Variants in FOXP1 observed in about 807,000 individuals in gnomAD.
FOXP1 encodes forkhead box P1, also known as forkhead box protein P1.
In FOXP1, 15 loss-of-function variants were observed where a neutral mutation model predicts 98.2. The observed-to-expected ratio is 0.15, with a 90% CI of 0.10 to 0.24. The LOEUF (loss-of-function observed/expected upper bound fraction) is 0.24. Ranked by LOEUF, FOXP1 falls within the 10% of genes least tolerant of loss-of-function variation. The pLI is 1.00. For synonymous variants in FOXP1, 371 were observed against 314.5 expected (o/e 1.18, Z -1.90); for missense variants, 633 against 848.5 (o/e 0.75, Z 3.15).
intron 2 of FOXP1, among the ~76,000 whole-genome samples, chr3:71,543,153 C>T (rs1298028136): frequency 2.0e-5 from 3 of 152,128 alleles, no homozygotes; most frequent in Non-Finnish European, 2.9e-5. Context: ...GGGCGGCATG[C>T]GAATACCATC....
At chr3:71,023,975 T>C (rs1332101692) in intron 11 of FOXP1, among the ~76,000 whole-genome samples, 3 of 152,180 alleles carry the variant, frequency 2.0e-5, no homozygotes, top group Admixed American at 6.5e-5. Context: ...CCTTAAATAC[T>C]TAGCACCACT....
chr3:71,133,020 C>T (rs1159020956), intron 6 of FOXP1, among the ~76,000 whole-genome samples: 1 of 150,954 alleles, frequency 6.6e-6, no homozygotes, highest in Non-Finnish European at 1.5e-5. Flanking sequence ...GCTTTCAACA[C>T]TTACTCCAAA....
chr3:71,181,751 G>C (rs890213111), intron 6 of FOXP1, among the ~76,000 whole-genome samples: 8 of 152,146 alleles, frequency 5.3e-5, no homozygotes, highest in African/African-American at 1.9e-4. Context: ...AAACAAATGT[G>C]GCCGGGCGCG....
In FOXP1 at chr3:71,053,830, C is replaced by T. The variant is rs193283563; in HGVS notation, c.283-57G>A. ...CAGGAAATCAGAAGCACGCAGCCTC[C>T]CAGGTTCAGCAGCTGACTGCCATCA... On this transcript the variant is annotated intron_variant, in intron 7 of 20. Transcript: ENST00000649528. The T allele has an allele frequency of 9.3e-6, 15 of 1,604,792 alleles. No homozygotes were observed. In the Admixed American group the frequency reaches 1.5e-4, roughly 16 times the overall value.
intron 5 of FOXP1, among the ~76,000 whole-genome samples, chr3:71,263,050 A>C (rs778807705): frequency 2.0e-5 from 3 of 152,194 alleles, no homozygotes; most frequent in Non-Finnish European, 4.4e-5. Flanking sequence ...GAGACCCTGA[A>C]AGTGATTCAT....
intron 3 of FOXP1, among the ~76,000 whole-genome samples, chr3:71,385,728 G>A (rs1384874731): frequency 1.3e-5 from 2 of 152,122 alleles, no homozygotes; most frequent in Non-Finnish European, 2.9e-5. Context: ...CTACAAATCT[G>A]TCATCTCCAA....
chr3:71,053,908 G>A (rs2050253517), intron 7 of FOXP1, 135 bp from the exon 8 acceptor site: 1 of 892,422 alleles, frequency 1.1e-6, no homozygotes, highest in Non-Finnish European at 1.8e-6. Flanking sequence ...TATCCAGAGG[G>A]GATGCAGCAA....
At chr3:71,369,010 AGATCTACCTCAAATAAATACTTATTT>A (rs1560381168) in intron 3 of FOXP1, among the ~76,000 whole-genome samples, 4 of 152,202 alleles carry the variant, frequency 2.6e-5, no homozygotes, top group Non-Finnish European at 5.9e-5. Flanking sequence ...GCCCTCATTA[AGATCTACCTCAAATAAATACTTATTT>A]CTGGCTTTGT....
chr3:71,426,856 T>A (rs959684064), intron 3 of FOXP1, among the ~76,000 whole-genome samples: 1 of 152,010 alleles, frequency 6.6e-6, no homozygotes, highest in Non-Finnish European at 1.5e-5. Flanking sequence ...AGGTCAAGAG[T>A]TCGAGACCAG....
intron 4 of FOXP1, among the ~76,000 whole-genome samples, chr3:71,345,413 C>T (rs1008770749): frequency 0.021 from 3,095 of 148,192 alleles, 140 homozygotes; most frequent in African/African-American, 0.071. Context: ...CACACACACA[C>T]ACACACACAC....
intron 5 of FOXP1, among the ~76,000 whole-genome samples, chr3:71,219,391 T>C (rs1189089586): frequency 1.3e-5 from 2 of 152,190 alleles, no homozygotes; most frequent in Non-Finnish European, 2.9e-5. Context: ...AGAGTGAATA[T>C]AGGACTAAAT....
At chr3:71,554,110 G>A (rs1304035716) in intron 2 of FOXP1, among the ~76,000 whole-genome samples, 1 of 152,142 alleles carries the variant, frequency 6.6e-6, no homozygotes, top group Non-Finnish European at 1.5e-5. Context: ...CCTTTTGGGA[G>A]TCTCAGACAG....
intron 5 of FOXP1, 144 bp from the exon 6 acceptor site, chr3:71,198,536 A>G (rs377608385): frequency 1.1e-5 from 8 of 740,618 alleles, no homozygotes; most frequent in East Asian, 2.7e-5. Context: ...CTTTCACTCA[A>G]CTTATCCCCT....
chr3:71,234,312 G>T (rs924056184), intron 5 of FOXP1, among the ~76,000 whole-genome samples: 1 of 152,026 alleles, frequency 6.6e-6, no homozygotes, highest in African/African-American at 2.4e-5. Flanking sequence ...ATTCCAACTC[G>T]GAATTAATCC....
At chr3:71,560,197 C>G (rs1326038637) in intron 2 of FOXP1, among the ~76,000 whole-genome samples, 1 of 152,118 alleles carries the variant, frequency 6.6e-6, no homozygotes, top group African/African-American at 2.4e-5. Flanking sequence ...TAACGGTGCT[C>G]CATAATGTTT....
chr3:71,054,624 A>C (rs1241313400), intron 7 of FOXP1, among the ~76,000 whole-genome samples: 1 of 152,198 alleles, frequency 6.6e-6, no homozygotes, highest in African/African-American at 2.4e-5. Context: ...AGCTTTCTAG[A>C]ATGTAATTTA....
At chr3:71,196,505 G>T (rs1465622374) in intron 6 of FOXP1, among the ~76,000 whole-genome samples, 1 of 152,122 alleles carries the variant, frequency 6.6e-6, no homozygotes, top group Non-Finnish European at 1.5e-5. Context: ...TGTAATTAAT[G>T]TACTCTAAAT....
intron 5 of FOXP1, among the ~76,000 whole-genome samples, chr3:71,265,833 C>T (rs907092690): frequency 2.0e-5 from 3 of 152,084 alleles, no homozygotes; most frequent in Non-Finnish European, 4.4e-5. Flanking sequence ...ATTGGAATCA[C>T]GTAGGAGGGG....
intron 7 of FOXP1, among the ~76,000 whole-genome samples, chr3:71,064,125 G>A (rs937440979): frequency 6.6e-6 from 1 of 152,204 alleles, no homozygotes; most frequent in Admixed American, 6.5e-5. Context: ...CAGAGGCTTA[G>A]AATCCCCAAC....
Sources: allele counts gnomAD v4.1 joint callset (sites outside exome capture counted in the v4.1 genomes callset), GRCh38; gene constraint gnomAD v4.1.1; transcripts MANE v1.5; gene names NCBI Gene and HGNC (gene_info 2026-07-23, HGNC 2026-07-21).